Variants in POU2F2 observed in about 807,000 individuals in gnomAD.
The protein encoded by POU2F2 is POU class 2 homeobox 2, also known as POU domain, class 2, transcription factor 2.
Under a neutral mutation model 63.5 loss-of-function variants are expected in POU2F2, and 14 were observed. The observed-to-expected ratio is 0.22, with a 90% CI of 0.15 to 0.34. The LOEUF is 0.34. Among genes scored for constraint, POU2F2 ranks in the 10% least tolerant of loss-of-function variants. The pLI is 1.00. For missense variants in POU2F2, 607 were observed against 815.2 expected, an observed-to-expected ratio of 0.74 and a Z score of 3.11; for synonymous variants, 306 against 348.6, an observed-to-expected ratio of 0.88 and a Z score of 1.36.
chr19:42,195,092 AGGAAGGAAGGG>A (rs1568430894), intron 1 of POU2F2, among the ~76,000 whole-genome samples: 115 of 7,412 alleles, frequency 0.016, 1 homozygote, highest in African/African-American at 0.034. Flanking sequence ...GGAGGAAGGG[AGGAAGGAAGGG>A]AGGGAGGGAG....
chr19:42,134,553 C>G (rs1485498019), upstream of POU2F2: 1 of 152,516 alleles, frequency 6.6e-6, no homozygotes, highest in Non-Finnish European at 1.5e-5. Context: ...TTGGAACACA[C>G]TGGCAGCTGG....
intron 1 of POU2F2, among the ~76,000 whole-genome samples, chr19:42,189,245 C>T (rs2035050610): frequency 3.3e-5 from 5 of 152,154 alleles, no homozygotes; most frequent in Admixed American, 6.5e-5. Context: ...CCATTACCCA[C>T]GTCCTACTGG....
intron 1 of POU2F2, among the ~76,000 whole-genome samples, chr19:42,161,832 TC>T (rs1204670594): frequency 6.6e-6 from 1 of 151,782 alleles, no homozygotes; most frequent in Non-Finnish European, 1.5e-5. Context: ...AGGGGCTGCT[TC>T]CCCCCAGCCC....
intron 1 of POU2F2, among the ~76,000 whole-genome samples, chr19:42,172,348 A>C (rs551246830): frequency 4.6e-5 from 7 of 152,184 alleles, no homozygotes; most frequent in Admixed American, 3.9e-4. Flanking sequence ...CCTAGCGATC[A>C]TTTTCAGGTT....
Position 42,121,002 on chromosome 19 carries a change from G to A in POU2F2, c.186+1124C>T, listed in dbSNP as rs116200928. Among the ~76,000 whole-genome samples the A allele has an allele frequency of 5.3e-3, 813 of 152,300 alleles. 10 individuals are homozygous for A. Among genetic ancestry groups the A allele is most frequent in the African/African-American group, 0.019 (778 of 41,556 alleles). ...GAGGCAAAGCCCAGAGAAACAGGGCGTACAGGGCGAGTTGTGGACAGAGCC... is the reference window on the plus strand; with the variant it reads ...GAGGCAAAGCCCAGAGAAACAGGGCATACAGGGCGAGTTGTGGACAGAGCC... On this transcript the variant is annotated intron_variant, in intron 4 of 14. Coordinates refer to ENST00000692977, the MANE Select transcript of POU2F2 (RefSeq NM_001394376.1).
chr19:42,120,616 A>AT (rs2032501496), intron 4 of POU2F2, among the ~76,000 whole-genome samples: 1 of 152,166 alleles, frequency 6.6e-6, no homozygotes, highest in African/African-American at 2.4e-5. Context: ...CTCTGGGTAA[A>AT]TTTTAATAAT....
chr19:42,174,508 C>T (rs200230490), intron 1 of POU2F2, among the ~76,000 whole-genome samples: 7 of 152,168 alleles, frequency 4.6e-5, no homozygotes, highest in Admixed American at 3.9e-4. Context: ...GAGATCAGTA[C>T]AAATATGCAC....
At chr19:42,113,278 C>T (rs2031388004) in intron 5 of POU2F2, among the ~76,000 whole-genome samples, 1 of 152,204 alleles carries the variant, frequency 6.6e-6, no homozygotes, top group Non-Finnish European at 1.5e-5. Context: ...TGAAATACTT[C>T]CCTGGAGAGA....
chr19:42,134,854 C>G (rs1449737755), upstream of POU2F2, among the ~76,000 whole-genome samples: 2 of 152,136 alleles, frequency 1.3e-5, no homozygotes, highest in African/African-American at 4.8e-5. Flanking sequence ...TGACTCCCGA[C>G]AAGACAATAA....
At chr19:42,097,590 G>A (rs374084897) in intron 7 of POU2F2, among the ~76,000 whole-genome samples, 3 of 151,560 alleles carry the variant, frequency 2.0e-5, no homozygotes, top group Admixed American at 6.6e-5. Flanking sequence ...TGGGAGGATC[G>A]CTTGAGCACA....
chr19:42,195,990 G>C (rs777642114), intron 1 of POU2F2, among the ~76,000 whole-genome samples: 1 of 152,124 alleles, frequency 6.6e-6, no homozygotes, highest in Non-Finnish European at 1.5e-5. Flanking sequence ...ATGTTGGCCA[G>C]GCTGGTCTCG....
At chr19:42,122,025 C>T (rs1450328527) in intron 4 of POU2F2, 101 bp downstream of exon 4, 8 of 1,259,964 alleles carry the variant, frequency 6.3e-6, no homozygotes, top group Middle Eastern at 2.5e-4. Flanking sequence ...TACCAAGGTA[C>T]CAAGGCTCAG....
intron 5 of POU2F2, among the ~76,000 whole-genome samples, chr19:42,100,884 G>T (rs2077111724): frequency 6.6e-6 from 1 of 152,114 alleles, no homozygotes; most frequent in South Asian, 2.1e-4. Flanking sequence ...CGGATCACGA[G>T]GTCAGGAGAT....
intron 1 of POU2F2, among the ~76,000 whole-genome samples, chr19:42,172,847 CAG>C (rs1385581352): frequency 6.6e-6 from 1 of 152,138 alleles, no homozygotes; most frequent in South Asian, 2.1e-4. Flanking sequence ...ATGGACATCT[CAG>C]GGGGCAGGGA....
intron 2 of POU2F2, among the ~76,000 whole-genome samples, chr19:42,145,309 C>T (rs548043795): frequency 6.6e-5 from 10 of 152,210 alleles, no homozygotes; most frequent in Non-Finnish European, 1.0e-4. Context: ...CTCTCAGCCT[C>T]TGCAAAGACT....
intron 2 of POU2F2, among the ~76,000 whole-genome samples, chr19:42,150,350 G>A (rs71361005): frequency 6.6e-6 from 1 of 151,146 alleles, no homozygotes; most frequent in East Asian, 1.9e-4. Context: ...ACATGGATGA[G>A]GAGGAAGAGG....
At chr19:42,123,990 C>A (rs1030053271) in intron 1 of POU2F2, among the ~76,000 whole-genome samples, 3 of 152,128 alleles carry the variant, frequency 2.0e-5, no homozygotes, top group Non-Finnish European at 4.4e-5. Flanking sequence ...CTCTAGTGTT[C>A]TCTGCACCAA....
chr19:42,183,876 T>C (rs963208521), intron 1 of POU2F2, among the ~76,000 whole-genome samples: 2 of 151,784 alleles, frequency 1.3e-5, no homozygotes, highest in African/African-American at 4.8e-5. Flanking sequence ...AAGAAGTGAG[T>C]GCAAAGAAAA....
chr19:42,166,826 G>A (rs2034661370), intron 1 of POU2F2, among the ~76,000 whole-genome samples: 1 of 152,094 alleles, frequency 6.6e-6, no homozygotes, highest in Non-Finnish European at 1.5e-5. Flanking sequence ...ACTGGTAAGT[G>A]CTCACCCTGA....
Sources: allele counts gnomAD v4.1 joint callset (sites outside exome capture counted in the v4.1 genomes callset), GRCh38; gene constraint gnomAD v4.1.1; transcripts MANE v1.5; gene names NCBI Gene and HGNC (gene_info 2026-07-23, HGNC 2026-07-21).